The following ACACA variants were observed in gnomAD, a reference collection of about 807,000 sequenced individuals.
ACACA encodes acetyl-CoA carboxylase alpha.
ACACA carries 103 observed loss-of-function variants against 296.1 expected under a neutral mutation model. The ratio of observed to expected loss-of-function variants is 0.35; its 90% confidence interval spans 0.30 to 0.41. The LOEUF (loss-of-function observed/expected upper bound fraction) is 0.41. Ranked by LOEUF, ACACA falls within the 10% of genes least tolerant of loss-of-function variation. The pLI, the probability that ACACA is intolerant of heterozygous loss-of-function variation, is 1.00. For missense variants in ACACA, 1,554 were observed against 2,989.7 expected (o/e 0.52, Z 11.20); for synonymous variants, 953 against 1,038.6 (o/e 0.92, Z 1.58).
intron 19 of ACACA, among the ~76,000 whole-genome samples, chr17:37,245,687 C>A (rs781584363): frequency 6.6e-6 from 1 of 152,150 alleles, no homozygotes; most frequent in Non-Finnish European, 1.5e-5. Context: ...TTCTTCATTT[C>A]TGGCCCAAAG....
intron 11 of ACACA, 59 bp downstream of exon 11, chr17:37,263,620 TACATGA>T: frequency 7.5e-7 from 1 of 1,327,678 alleles, no homozygotes; most frequent in East Asian, 2.3e-5. Flanking sequence ...CTCAGATTGG[TACATGA>T]ACTGAATGAA....
intron 41 of ACACA, among the ~76,000 whole-genome samples, chr17:37,166,327 TG>T (rs1204225884): frequency 3.3e-5 from 5 of 150,206 alleles, no homozygotes; most frequent in Admixed American, 6.6e-5. Flanking sequence ...TTTGTAGAGA[TG>T]GGGTCTCACC....
intron 1 of ACACA, among the ~76,000 whole-genome samples, chr17:37,377,607 C>T (rs138720872): frequency 0.017 from 2,551 of 151,800 alleles, 57 homozygotes; most frequent in African/African-American, 0.058. Context: ...TTGCAATGAG[C>T]GGAGATCACG....
chr17:37,099,183 T>A (rs1285276392), intron 52 of ACACA, among the ~76,000 whole-genome samples: 3 of 152,238 alleles, frequency 2.0e-5, no homozygotes, highest in Non-Finnish European at 4.4e-5. Context: ...GTATTATACA[T>A]AAACACAGGT....
chr17:37,241,909 A>G (rs776010570), intron 23 of ACACA, 44 bp downstream of exon 23: 1 of 1,496,706 alleles, frequency 6.7e-7, no homozygotes, highest in South Asian at 1.1e-5. Flanking sequence ...AAAGGAAGAC[A>G]TGAGTATGGA....
chr17:37,213,152 T>TAC (rs140736366), intron 29 of ACACA, among the ~76,000 whole-genome samples: 2,150 of 148,850 alleles, frequency 0.014, 40 homozygotes, highest in African/African-American at 0.043. Flanking sequence ...AATCCATCTT[T>TAC]ACACACACAC....
chr17:37,346,701 C>CAA (rs1233696565), intron 1 of ACACA, among the ~76,000 whole-genome samples: 92 of 36,116 alleles, frequency 2.5e-3, no homozygotes, highest in East Asian at 0.014. Context: ...GACTCCATCT[C>CAA]AAAAAAAAAA....
At chr17:37,213,761 G>C (rs573886552) in intron 29 of ACACA, among the ~76,000 whole-genome samples, 11 of 152,238 alleles carry the variant, frequency 7.2e-5, no homozygotes, top group African/African-American at 2.6e-4. Context: ...TGCTCTGCCT[G>C]CCCAGAATGG....
At chr17:37,100,113 C>G (rs1257401361) in intron 52 of ACACA, among the ~76,000 whole-genome samples, 5 of 152,078 alleles carry the variant, frequency 3.3e-5, no homozygotes, top group African/African-American at 1.2e-4. Flanking sequence ...AGCAGAAGAA[C>G]AATAAGTGTA....
At chr17:37,205,632 T>C (rs2278679) in intron 33 of ACACA, 133 bp downstream of exon 33, 201,188 of 756,748 alleles carry the variant, frequency 0.27, 33,690 homozygotes, top group African/African-American at 0.64. Flanking sequence ...TATCCCTAAA[T>C]GCAGAACTAG....
intron 38 of ACACA, among the ~76,000 whole-genome samples, chr17:37,188,804 A>G (rs1320249206): frequency 6.6e-6 from 1 of 152,164 alleles, no homozygotes; most frequent in Non-Finnish European, 1.5e-5. Flanking sequence ...AAGCCATGGG[A>G]TTTAAGAGGA....
chr17:37,283,129 CAG>C, intron 5 of ACACA, 136 bp downstream of exon 5: 1 of 1,057,328 alleles, frequency 9.5e-7, no homozygotes, highest in Non-Finnish European at 1.4e-6. Flanking sequence ...ACATTTTAAA[CAG>C]AAATTATTTT....
At position 37,270,772 on chromosome 17, in the gene ACACA, G is replaced by C. The variant is rs766047508; in HGVS notation, c.1098C>G (p.Asp366Glu). 6.2e-7 allele frequency: 1 copy of C among 1,613,680 alleles called. No individual in the cohort carries two copies. The highest frequency in any genetic ancestry group is 8.5e-7 in the Non-Finnish European group (1 of 1,179,662). Residue 366 changes from aspartate to glutamate, a missense_variant, in exon 10 of 56, where the codon GAC becomes GAG. By Grantham distance (45) the Asp-to-Glu change is conservative. This residue lies in a region of ACACA where 82 missense variants were observed against 185.2 expected (regional missense o/e 0.44). Transcript: ENST00000616317. ...CTACCTGTCTGAAGAGATTAGGGAA[G>C]TCATCTGCATTGTTGACTTTTCTAA... ...KGIRKVNNAD[D>E]FPNLFRQVQA...
chr17:37,325,163 T>G (rs1318284365), intron 3 of ACACA, among the ~76,000 whole-genome samples: 1 of 148,430 alleles, frequency 6.7e-6, no homozygotes, highest in Non-Finnish European at 1.5e-5. Context: ...ATGGCGCCAC[T>G]GCACTCTAGC....
chr17:37,281,060 T>C (rs867846712), intron 5 of ACACA, among the ~76,000 whole-genome samples: 200 of 144,134 alleles, frequency 1.4e-3, no homozygotes, highest in African/African-American at 2.8e-3. Context: ...CTTTCTCTCT[T>C]TTTTTTTTTT....
At chr17:37,161,630 C>T (rs1296476646) in intron 42 of ACACA, 151 bp downstream of exon 42, 8 of 914,788 alleles carry the variant, frequency 8.7e-6, no homozygotes, top group Non-Finnish European at 1.3e-5. Flanking sequence ...AATATGGTGT[C>T]TTAAGGAATT....
chr17:37,371,175 G>A (rs1225665616), intron 1 of ACACA, among the ~76,000 whole-genome samples: 4 of 151,660 alleles, frequency 2.6e-5, no homozygotes, highest in Non-Finnish European at 5.9e-5. Flanking sequence ...CACCTCCCGC[G>A]TTCAAGTGAT....
intron 1 of ACACA, chr17:37,365,592 G>A (rs2147641572): frequency 2.0e-6 from 2 of 985,380 alleles, no homozygotes; most frequent in Admixed American, 6.1e-5. Flanking sequence ...GGCTCCAGTT[G>A]TGATATAAAA....
chr17:37,184,656 C>G (rs964373900), intron 39 of ACACA, among the ~76,000 whole-genome samples: 1 of 152,076 alleles, frequency 6.6e-6, no homozygotes, highest in African/African-American at 2.4e-5. Context: ...TTGAGACAAG[C>G]CTGGGCAACA....
Sources: gnomAD v4.1 joint callset for allele counts (sites outside exome capture counted in the v4.1 genomes callset) on GRCh38, gnomAD v4.1.1 for gene constraint, gnomAD v4.1.1 regional missense constraint, MANE v1.5 for transcripts, NCBI Gene and HGNC (gene_info 2026-07-23, HGNC 2026-07-21) for gene names.